The following GRID2 variants were observed in gnomAD, a reference collection of about 807,000 sequenced individuals.
GRID2 encodes glutamate ionotropic receptor delta type subunit 2, also known as glutamate receptor ionotropic, delta-2.
In GRID2, 33 loss-of-function variants were observed where a neutral mutation model predicts 114.8. The ratio of observed to expected loss-of-function variants is 0.29; its 90% CI spans 0.22 to 0.38. The LOEUF (loss-of-function observed/expected upper bound fraction) is 0.38, where lower values mean the gene tolerates loss of function less well. GRID2 is among the 10% of genes least tolerant of loss of function. GRID2 has a pLI of 1.00. For missense variants in GRID2, 1,184 were observed against 1,257.7 expected (o/e 0.94, Z 0.89); for synonymous variants, 505 against 449.9 (o/e 1.12, Z -1.55).
chr4:93,484,559 G>T (rs542167402), intron 11 of GRID2, among the ~76,000 whole-genome samples: 1 of 151,876 alleles, frequency 6.6e-6, no homozygotes, highest in African/African-American at 2.4e-5. Context: ...CAGAGCAACT[G>T]GGGGGCTGCC....
At chr4:93,492,972 T>G (rs998388755) in intron 12 of GRID2, among the ~76,000 whole-genome samples, 4 of 151,872 alleles carry the variant, frequency 2.6e-5, no homozygotes, top group Non-Finnish European at 5.9e-5. Flanking sequence ...TTTTCTAGAT[T>G]CTACATATAA....
chr4:93,409,189 A>G (rs983340250), intron 9 of GRID2, among the ~76,000 whole-genome samples: 4 of 152,020 alleles, frequency 2.6e-5, no homozygotes, highest in Admixed American at 1.3e-4. Context: ...ACAGATTAAC[A>G]GGAGAAAAGA....
chr4:93,039,718 G>C (rs909401105), intron 2 of GRID2, among the ~76,000 whole-genome samples: 8 of 152,106 alleles, frequency 5.3e-5, no homozygotes, highest in African/African-American at 1.4e-4. Flanking sequence ...GTTCAATGCA[G>C]TCTACAGCTA....
At chr4:92,979,108 C>G (rs1033139037) in intron 2 of GRID2, among the ~76,000 whole-genome samples, 4 of 152,126 alleles carry the variant, frequency 2.6e-5, no homozygotes, top group Admixed American at 2.0e-4. Flanking sequence ...AGCTATTGGT[C>G]ACTTGATATG....
chr4:92,968,498 A>G (rs2149167236), intron 2 of GRID2, among the ~76,000 whole-genome samples: 1 of 152,046 alleles, frequency 6.6e-6, no homozygotes, highest in Admixed American at 6.6e-5. Context: ...AAATATATGC[A>G]GAACACATTT....
At chr4:92,461,834 AGCAGGAAAT>A (rs2149088376) in intron 1 of GRID2, among the ~76,000 whole-genome samples, 1 of 152,092 alleles carries the variant, frequency 6.6e-6, no homozygotes, top group Non-Finnish European at 1.5e-5. Flanking sequence ...CTGCTCAGTT[AGCAGGAAAT>A]GCATAAGTAG....
intron 2 of GRID2, among the ~76,000 whole-genome samples, chr4:92,915,159 T>G (rs1341684597): frequency 6.6e-6 from 1 of 152,104 alleles, no homozygotes; most frequent in Non-Finnish European, 1.5e-5. Flanking sequence ...TCATGAGAAC[T>G]TACTCAGAAT....
At chr4:92,673,051 AAGTG>A (rs1276825779) in intron 2 of GRID2, among the ~76,000 whole-genome samples, 1 of 152,188 alleles carries the variant, frequency 6.6e-6, no homozygotes, top group East Asian at 1.9e-4. Flanking sequence ...TCCCACAAAT[AAGTG>A]AGAACGTGCA....
At chr4:93,753,926 G>A (rs2110291153) in intron 14 of GRID2, among the ~76,000 whole-genome samples, 1 of 152,258 alleles carries the variant, frequency 6.6e-6, no homozygotes, top group African/African-American at 2.4e-5. Flanking sequence ...CTTAGTGATG[G>A]GGATACATTC....
In GRID2 at chr4:93,081,653, GTGCA is replaced by G. The variant is rs1203753398; in HGVS notation, c.245-3340_245-3337del. ...TGTATGTATAGATGTTTACGTATAT[GTGCA>G]TATATAGTATAAATAAATCACAAGG... On this transcript the variant is annotated intron_variant, in intron 2 of 15. Coordinates refer to ENST00000282020, the MANE Select transcript of GRID2 (RefSeq NM_001510.4). Among the ~76,000 whole-genome samples, 4 of 152,208 alleles carry G rather than the reference GTGCA, an allele frequency of 2.6e-5. No homozygotes were observed. The East Asian group carries it at 7.7e-4, about 29-fold the overall frequency.
chr4:92,940,239 C>A (rs1751000887), intron 2 of GRID2, among the ~76,000 whole-genome samples: 1 of 146,990 alleles, frequency 6.8e-6, no homozygotes, highest in African/African-American at 2.4e-5. Flanking sequence ...TCTTTTATTT[C>A]ATTGAGCAGT....
chr4:93,246,311 G>A (rs1260382407), intron 8 of GRID2, among the ~76,000 whole-genome samples: 1 of 152,108 alleles, frequency 6.6e-6, no homozygotes, highest in Non-Finnish European at 1.5e-5. Context: ...AGTAGGGCCT[G>A]GCATGGTGGC....
At chr4:92,504,922 A>C (rs1171168974) in intron 1 of GRID2, among the ~76,000 whole-genome samples, 2 of 152,098 alleles carry the variant, frequency 1.3e-5, no homozygotes, top group Non-Finnish European at 2.9e-5. Context: ...ATACTAGAAA[A>C]TAAAATTGTA....
In GRID2 at chr4:92,448,954, T is replaced by A. The variant is rs375733282; in HGVS notation, c.89-141177T>A. ...TTTATAAAGATTATTATAGTCATAT[T>A]GCTCATGTAATAGATAATCCCTCTC... On this transcript the variant is annotated intron_variant, in intron 1 of 15. Transcript: ENST00000282020. Among the ~76,000 whole-genome samples, 26 of 152,244 alleles carry A rather than the reference T, an allele frequency of 1.7e-4. 1 individual carries two copies. The highest frequency in any genetic ancestry group is 5.8e-4 in the East Asian group (3 of 5,186).
At chr4:92,411,497 C>A (rs1337565036) in intron 1 of GRID2, among the ~76,000 whole-genome samples, 1 of 151,490 alleles carries the variant, frequency 6.6e-6, no homozygotes, top group Non-Finnish European at 1.5e-5. Flanking sequence ...CAATATTTAA[C>A]CACCTTTTCC....
chr4:93,336,475 T>C (rs1371012701), intron 8 of GRID2, among the ~76,000 whole-genome samples: 1 of 152,202 alleles, frequency 6.6e-6, no homozygotes, highest in Non-Finnish European at 1.5e-5. Flanking sequence ...TTAGGTTTTT[T>C]CCCACTAAAA....
intron 2 of GRID2, among the ~76,000 whole-genome samples, chr4:92,662,115 A>T (rs535107482): frequency 6.6e-6 from 1 of 151,048 alleles, no homozygotes; most frequent in African/African-American, 2.4e-5. Flanking sequence ...TCATCCTCAC[A>T]CAGGTTTCCT....
chr4:93,052,368 A>T (rs917930442), intron 2 of GRID2, among the ~76,000 whole-genome samples: 2 of 151,912 alleles, frequency 1.3e-5, no homozygotes, highest in Admixed American at 1.3e-4. Flanking sequence ...ATGTTCTGAG[A>T]CGTGCATCTT....
intron 13 of GRID2, among the ~76,000 whole-genome samples, chr4:93,586,056 G>T (rs1038916960): frequency 6.6e-6 from 1 of 152,062 alleles, no homozygotes; most frequent in African/African-American, 2.4e-5. Flanking sequence ...CTCCAGCAGA[G>T]ATTCTACTCC....
Sources: gnomAD v4.1 joint callset for allele counts (sites outside exome capture counted in the v4.1 genomes callset) on GRCh38, gnomAD v4.1.1 for gene constraint, MANE v1.5 for transcripts, NCBI Gene and HGNC (gene_info 2026-07-23, HGNC 2026-07-21) for gene names.